The following RABGAP1L variants were observed in gnomAD, a reference collection of about 807,000 sequenced individuals.
RABGAP1L encodes the protein rab GTPase-activating protein 1-like.
In RABGAP1L, 63 loss-of-function variants were observed where a neutral mutation model predicts 137.7. The observed-to-expected ratio is 0.46, with a 90% CI of 0.37 to 0.56. RABGAP1L has a LOEUF of 0.56. RABGAP1L is among the 20% of genes least tolerant of loss of function. RABGAP1L has a pLI of 0.00. For missense variants in RABGAP1L, 1,095 were observed against 1,244.0 expected (o/e 0.88, Z 1.80); for synonymous variants, 431 against 433.7 (o/e 0.99, Z 0.08).
intron 19 of RABGAP1L, among the ~76,000 whole-genome samples, chr1:174,904,636 CTTTCTTTTTTTCT>C (rs1658728525): frequency 6.6e-6 from 1 of 151,968 alleles, no homozygotes; most frequent in Non-Finnish European, 1.5e-5. Flanking sequence ...ACATTTCTTT[CTTTCTTTTTTTCT>C]TTTCTTTTTT....
intron 13 of RABGAP1L, among the ~76,000 whole-genome samples, chr1:174,570,186 G>A (rs1667871617): frequency 6.6e-6 from 1 of 152,176 alleles, no homozygotes; most frequent in Non-Finnish European, 1.5e-5. Context: ...GAGGTTACCA[G>A]CATTACATAT....
At chr1:174,655,210 C>T (rs1353318301) in intron 14 of RABGAP1L, among the ~76,000 whole-genome samples, 1 of 152,124 alleles carries the variant, frequency 6.6e-6, no homozygotes, top group African/African-American at 2.4e-5. Flanking sequence ...CTATAGACAT[C>T]ATTCAGTTTT....
chr1:174,984,282 A>C (rs1038690872), intron 24 of RABGAP1L, among the ~76,000 whole-genome samples: 7 of 152,106 alleles, frequency 4.6e-5, no homozygotes, highest in African/African-American at 1.7e-4. Flanking sequence ...ACAAAATGAG[A>C]ATTTATATTG....
In RABGAP1L at chr1:174,719,166, T is replaced by C. The variant is rs192121222; in HGVS notation, c.2169+16910T>C. Reference sequence around the variant, plus strand: ...TAGTATGGTAGGTTTTCTGAGGCCTTCTTTATACCAGTATTAAAAATGAAT... The same window carrying C: ...TAGTATGGTAGGTTTTCTGAGGCCTCCTTTATACCAGTATTAAAAATGAAT... On this transcript the variant is annotated intron_variant, in intron 17 of 25. Coordinates refer to ENST00000681986, the MANE Select transcript of RABGAP1L (RefSeq NM_001366446.1). Among the ~76,000 whole-genome samples, 413 of 152,276 alleles carry C rather than the reference T, an allele frequency of 2.7e-3. 2 individuals are homozygous for C. The highest frequency in any genetic ancestry group is 4.2e-3 in the Non-Finnish European group (285 of 68,026).
chr1:174,943,242 A>C (rs753326597), intron 19 of RABGAP1L, among the ~76,000 whole-genome samples: 16 of 152,104 alleles, frequency 1.1e-4, no homozygotes, highest in Non-Finnish European at 1.9e-4. Context: ...ATGCTCTATC[A>C]CTAGCTTGAA....
chr1:174,327,328 G>C (rs1169687741), intron 11 of RABGAP1L, among the ~76,000 whole-genome samples: 1 of 150,856 alleles, frequency 6.6e-6, no homozygotes, highest in African/African-American at 2.4e-5. Flanking sequence ...ATATAATAAG[G>C]TATAAAAAGA....
chr1:174,441,054 T>TAA (rs1057134536), intron 13 of RABGAP1L, among the ~76,000 whole-genome samples: 41 of 149,208 alleles, frequency 2.7e-4, no homozygotes, highest in African/African-American at 9.3e-4. Flanking sequence ...AATAAAAGTA[T>TAA]TATATATATA....
At chr1:174,792,961 C>T (rs776855555) in intron 18 of RABGAP1L, among the ~76,000 whole-genome samples, 5 of 151,912 alleles carry the variant, frequency 3.3e-5, no homozygotes, top group Non-Finnish European at 7.4e-5. Context: ...GGTGAAACCC[C>T]GTCTCTACTG....
intron 19 of RABGAP1L, among the ~76,000 whole-genome samples, chr1:174,831,971 C>A (rs1163478575): frequency 6.8e-6 from 1 of 147,496 alleles, no homozygotes; most frequent in Non-Finnish European, 1.5e-5. Context: ...AAAGAAAATT[C>A]AAAAGATCTA....
intron 17 of RABGAP1L, among the ~76,000 whole-genome samples, chr1:174,735,863 GA>G (rs1360396240): frequency 6.6e-6 from 1 of 152,106 alleles, no homozygotes; most frequent in Non-Finnish European, 1.5e-5. Flanking sequence ...ACCAGAGCCA[GA>G]ATTCACTCAT....
chr1:174,723,899 T>C (rs553655570), intron 17 of RABGAP1L, among the ~76,000 whole-genome samples: 1 of 152,200 alleles, frequency 6.6e-6, no homozygotes, highest in African/African-American at 2.4e-5. Context: ...ATCAAGGTAA[T>C]GCCATGGTGA....
intron 19 of RABGAP1L, among the ~76,000 whole-genome samples, chr1:174,867,093 TGATA>T (rs1651390380): frequency 6.6e-6 from 1 of 150,642 alleles, no homozygotes; most frequent in African/African-American, 2.4e-5. Flanking sequence ...GTCTCAAAAA[TGATA>T]GATAGCCAGC....
At chr1:174,629,943 G>A (rs1366471069) in intron 13 of RABGAP1L, among the ~76,000 whole-genome samples, 1 of 152,112 alleles carries the variant, frequency 6.6e-6, no homozygotes, top group African/African-American at 2.4e-5. Context: ...GAATAGGAGC[G>A]GTGAGAGAGG....
intron 5 of RABGAP1L, chr1:174,245,319 G>T (rs997035851): frequency 2.6e-5 from 4 of 152,236 alleles, no homozygotes; most frequent in African/African-American, 9.7e-5. Flanking sequence ...TGATCCACCT[G>T]CCTGGGCTTC....
chr1:174,492,331 C>G (rs1477375487), intron 13 of RABGAP1L, among the ~76,000 whole-genome samples: 2 of 150,790 alleles, frequency 1.3e-5, no homozygotes. Flanking sequence ...CAGGTGCATG[C>G]CACCACGCCT....
chr1:174,864,887 G>A (rs541148547), intron 19 of RABGAP1L, among the ~76,000 whole-genome samples: 1 of 152,294 alleles, frequency 6.6e-6, no homozygotes, highest in Admixed American at 6.5e-5. Context: ...GAAGCCTGGG[G>A]AGAGGATCAC....
At chr1:174,449,329 G>A (rs763004118) in intron 13 of RABGAP1L, 18 of 762,218 alleles carry the variant, frequency 2.4e-5, no homozygotes, top group Non-Finnish European at 3.5e-5. Flanking sequence ...GAGACTAAAG[G>A]TTTCTCTCTT....
intron 5 of RABGAP1L, among the ~76,000 whole-genome samples, chr1:174,241,985 T>G (rs1671868363): frequency 6.6e-6 from 1 of 152,202 alleles, no homozygotes; most frequent in Non-Finnish European, 1.5e-5. Context: ...AGTAGATTGG[T>G]CCATGTGATT....
intron 13 of RABGAP1L, among the ~76,000 whole-genome samples, chr1:174,401,360 A>G (rs1648560282): frequency 6.6e-6 from 1 of 152,204 alleles, no homozygotes; most frequent in Non-Finnish European, 1.5e-5. Context: ...GTGAGAATTT[A>G]GTAAGATAAT....
Sources: gnomAD v4.1 joint callset for allele counts (sites outside exome capture counted in the v4.1 genomes callset) on GRCh38, gnomAD v4.1.1 for gene constraint, MANE v1.5 for transcripts, NCBI Gene and HGNC (gene_info 2026-07-23, HGNC 2026-07-21) for gene names.